The following PLXNC1 variants were observed in gnomAD, a reference collection of about 807,000 sequenced individuals.
PLXNC1 encodes the protein plexin-C1.
Under a neutral mutation model 178.2 loss-of-function variants are expected in PLXNC1, and 75 were observed. The ratio of observed to expected loss-of-function variants is 0.42; its 90% CI spans 0.35 to 0.51. PLXNC1 has a LOEUF of 0.51. Ranked by LOEUF, PLXNC1 falls within the 20% of genes least tolerant of loss-of-function variation. The pLI, the probability that PLXNC1 is intolerant of heterozygous loss-of-function variation, is 0.02. For synonymous variants in PLXNC1, 790 were observed against 779.9 expected (o/e 1.01, Z -0.22); for missense variants, 1,503 against 1,984.4 (o/e 0.76, Z 4.61).
At chr12:94,298,528 T>G in intron 26 of PLXNC1, 104 bp from the exon 27 acceptor site, 2 of 964,460 alleles carry the variant, frequency 2.1e-6, no homozygotes, top group East Asian at 5.1e-5. Context: ...TTTCCCTGTT[T>G]TGAACATTAT....
chr12:94,164,111 G>A (rs1961499197), intron 1 of PLXNC1, among the ~76,000 whole-genome samples: 2 of 152,140 alleles, frequency 1.3e-5, no homozygotes, highest in South Asian at 4.1e-4. Flanking sequence ...CAGAACTTGG[G>A]TGCAGGGCTC....
chr12:94,177,715 C>T (rs1203313354), intron 2 of PLXNC1, among the ~76,000 whole-genome samples: 1 of 152,060 alleles, frequency 6.6e-6, no homozygotes, highest in Admixed American at 6.5e-5. Flanking sequence ...CAATGTTGCA[C>T]CCAACTAGAT....
At chr12:94,285,147 G>A (rs1203825307) in intron 23 of PLXNC1, among the ~76,000 whole-genome samples, 2 of 152,186 alleles carry the variant, frequency 1.3e-5, no homozygotes, top group African/African-American at 4.8e-5. Flanking sequence ...CCTGGAGGCA[G>A]GTGCTTTCCT....
Position 94,260,719 on chromosome 12 carries a change from C to T in PLXNC1, c.3329C>T (p.Thr1110Ile), listed in dbSNP as rs747795072. 1.2e-6 allele frequency: 2 copies of T among 1,614,008 alleles called. No homozygotes were observed. The highest frequency in any genetic ancestry group is 2.2e-5 in the South Asian group (2 of 91,082). ...CTGACCAGCATCCTAGAGGTGCTGA[C>T]CAGGGACTTGATGGAACAGTGTAGT... is the stretch of plus-strand genomic sequence containing the variant. The part of the protein sequence containing the change: ...VYLTSILEVL[T>I]RDLMEQCSNM... The change falls in exon 20 of 31, where the codon ACC (threonine) becomes ATC (isoleucine). Residue 1110 changes from threonine to isoleucine, a missense_variant. Physicochemically the swap from Thr to Ile is moderately conservative, Grantham distance 89 (BLOSUM62 -1). Transcript: ENST00000258526. This position sits in a 1 kb window ranked among gnomAD's most constrained non-coding sequence, Gnocchi z 4.4.
At chr12:94,271,751 A>G (rs1965584617) in intron 21 of PLXNC1, among the ~76,000 whole-genome samples, 1 of 152,120 alleles carries the variant, frequency 6.6e-6, no homozygotes, top group Admixed American at 6.5e-5. Flanking sequence ...TTTTTGATTC[A>G]GTTTTCCTTG....
chr12:94,268,890 C>T (rs749526891), intron 21 of PLXNC1, among the ~76,000 whole-genome samples: 4 of 152,042 alleles, frequency 2.6e-5, no homozygotes, highest in Non-Finnish European at 4.4e-5. Context: ...CAACTGCATC[C>T]GGCCGATAAT....
chr12:94,286,431 CT>C (rs1457433587), intron 23 of PLXNC1, among the ~76,000 whole-genome samples: 1 of 152,032 alleles, frequency 6.6e-6, no homozygotes, highest in Non-Finnish European at 1.5e-5. Flanking sequence ...TAAGCAGCGC[CT>C]CCGCAGACTC....
At chr12:94,195,891 T>G (rs1053232379) in intron 4 of PLXNC1, among the ~76,000 whole-genome samples, 38 of 152,270 alleles carry the variant, frequency 2.5e-4, no homozygotes, top group African/African-American at 9.1e-4. Flanking sequence ...AACATATTTG[T>G]CCCCAACACC....
At chr12:94,166,980 G>T (rs1961638242) in intron 1 of PLXNC1, among the ~76,000 whole-genome samples, 1 of 151,882 alleles carries the variant, frequency 6.6e-6, no homozygotes, top group Admixed American at 6.6e-5. Flanking sequence ...GCCCAGGCTG[G>T]TCTCCAACTC....
At chr12:94,223,243 G>A (rs562156672) in intron 6 of PLXNC1, among the ~76,000 whole-genome samples, 3 of 152,202 alleles carry the variant, frequency 2.0e-5, no homozygotes, top group South Asian at 2.1e-4. Context: ...GTGAAACCCC[G>A]TCTCAACTAA....
At chr12:94,204,815 T>C (rs1335638054) in intron 4 of PLXNC1, among the ~76,000 whole-genome samples, 2 of 152,218 alleles carry the variant, frequency 1.3e-5, no homozygotes, top group Admixed American at 6.5e-5. Context: ...TCCCCCAGCA[T>C]GGATGCAGTC....
intron 4 of PLXNC1, among the ~76,000 whole-genome samples, chr12:94,204,044 A>G (rs1312687450): frequency 6.6e-6 from 1 of 152,236 alleles, no homozygotes; most frequent in Admixed American, 6.5e-5. Flanking sequence ...CCCTCGCCAG[A>G]TGCAGGCCCC....
intron 10 of PLXNC1, among the ~76,000 whole-genome samples, chr12:94,238,888 C>T (rs959531987): frequency 1.3e-5 from 2 of 152,174 alleles, no homozygotes; most frequent in Non-Finnish European, 2.9e-5. Context: ...ATCAAGCACA[C>T]ATTAGAGGCT....
intron 6 of PLXNC1, among the ~76,000 whole-genome samples, chr12:94,222,280 A>G (rs917071377): frequency 2.0e-5 from 3 of 152,136 alleles, no homozygotes; most frequent in African/African-American, 7.2e-5. Context: ...CGTTTTCTGA[A>G]TATCTTACAT....
intron 2 of PLXNC1, among the ~76,000 whole-genome samples, chr12:94,177,065 G>A (rs898183487): frequency 8.5e-5 from 12 of 141,530 alleles, no homozygotes; most frequent in African/African-American, 2.6e-4. Context: ...GTGTGTGTGT[G>A]TGTGTGTGTG....
Position 94,247,994 on chromosome 12 carries a change from G to T in PLXNC1, c.2480G>T (p.Arg827Ile). 2 of 1,614,180 alleles carry T rather than the reference G, an allele frequency of 1.2e-6. No individual in the cohort carries two copies. Among genetic ancestry groups the T allele is most frequent in the Non-Finnish European group, 1.7e-6 (2 of 1,180,008 alleles). Residue 827 changes from arginine (R) to isoleucine (I), a missense_variant, in exon 13 of 31, where the codon AGA (arginine) becomes ATA (isoleucine). Arg to Ile is a moderately conservative substitution (Grantham distance 97). Coordinates refer to ENST00000258526, the MANE Select transcript of PLXNC1 (RefSeq NM_005761.3). ...KVRTNVTVKLRVQDTYLDCGT... is the reference protein window; with the variant it reads ...KVRTNVTVKLIVQDTYLDCGT... ...CGCACGAATGTCACTGTGAAGCTGA[G>T]AGTACAAGACACCTACTTGGATTGT...
chr12:94,227,788 A>G (rs778720313), intron 9 of PLXNC1, among the ~76,000 whole-genome samples: 8 of 152,206 alleles, frequency 5.3e-5, no homozygotes, highest in Non-Finnish European at 8.8e-5. Context: ...TTTTCTTCAT[A>G]GTAAATTACA....
Position 94,260,111 on chromosome 12 carries a change from T to G in PLXNC1, c.3251+377T>G, listed in dbSNP as rs1370891000. 6.6e-6 allele frequency among the ~76,000 whole-genome samples: 1 copy of G among 152,098 alleles called. No homozygotes were observed. The highest frequency in any genetic ancestry group is 1.5e-5 in the Non-Finnish European group (1 of 68,014). ...TCTCACTCTGTGGCCCAGGCTGAAG[T>G]GTGTGATCATAGGTCACTGCAGCCT... On this transcript the variant is annotated intron_variant, in intron 19 of 30. Coordinates refer to ENST00000258526, the MANE Select transcript of PLXNC1 (RefSeq NM_005761.3). The surrounding 1 kb of genome is among the most constrained non-coding windows in gnomAD (Gnocchi z 4.4).
chr12:94,291,727 C>A (rs370269313), intron 23 of PLXNC1, among the ~76,000 whole-genome samples: 223 of 152,282 alleles, frequency 1.5e-3, no homozygotes, highest in African/African-American at 5.3e-3. Context: ...TAGTAATCTA[C>A]GATCTGTCTA....
Sources: gnomAD v4.1 joint callset for allele counts (sites outside exome capture counted in the v4.1 genomes callset) on GRCh38, gnomAD v4.1.1 for gene constraint, Gnocchi (gnomAD v3.1) non-coding constraint, MANE v1.5 for transcripts, NCBI Gene and HGNC (gene_info 2026-07-23, HGNC 2026-07-21) for gene names.